DLC1: variants seen among roughly 807,000 people sequenced by gnomAD.
DLC1 encodes rho GTPase-activating protein 7.
A neutral mutation model predicts 140.3 loss-of-function variants in DLC1; 54 were observed. That is an observed-to-expected ratio of 0.38 (90% CI 0.31 to 0.48). The LOEUF is 0.48. DLC1 is among the 20% of genes least tolerant of loss of function. DLC1 has a pLI of 0.96. For missense variants in DLC1, 2,536 were observed against 1,907.0 expected (o/e 1.33, Z -6.14); for synonymous variants, 986 against 728.1 (o/e 1.35, Z -5.70).
intron 1 of DLC1, among the ~76,000 whole-genome samples, chr8:13,582,899 T>C (rs1000552700): frequency 5.6e-5 from 7 of 123,970 alleles, no homozygotes; most frequent in Middle Eastern, 4.9e-3. Context: ...TATATATATA[T>C]ATATATATAT....
At chr8:13,194,080 C>T (rs1308939669) in intron 5 of DLC1, among the ~76,000 whole-genome samples, 4 of 152,192 alleles carry the variant, frequency 2.6e-5, no homozygotes, top group Non-Finnish European at 5.9e-5. Flanking sequence ...AAAGAAACTT[C>T]TCAGTTCACC....
At chr8:13,390,452 T>A (rs901144092) in intron 4 of DLC1, among the ~76,000 whole-genome samples, 2 of 152,228 alleles carry the variant, frequency 1.3e-5, no homozygotes, top group African/African-American at 4.8e-5. Context: ...TACATGTGTC[T>A]TTATACTAGA....
intron 1 of DLC1, among the ~76,000 whole-genome samples, chr8:13,522,697 G>C (rs1403445540): frequency 6.6e-6 from 1 of 151,984 alleles, no homozygotes; most frequent in Non-Finnish European, 1.5e-5. Flanking sequence ...GTATTATGTA[G>C]TATATGGACA....
At chr8:13,173,299 G>C (rs1426141294) in intron 5 of DLC1, among the ~76,000 whole-genome samples, 1 of 151,454 alleles carries the variant, frequency 6.6e-6, no homozygotes, top group Admixed American at 6.6e-5. Flanking sequence ...CATTTCGAGA[G>C]CAGTCTAATT....
At chr8:13,132,855 A>G (rs964213362) in intron 5 of DLC1, 1 of 1,479,528 alleles carries the variant, frequency 6.8e-7, no homozygotes, top group Non-Finnish European at 9.3e-7. Flanking sequence ...CACCGACTTG[A>G]CAAGGCGGGG....
intron 5 of DLC1, among the ~76,000 whole-genome samples, chr8:13,193,797 C>G (rs1172836967): frequency 6.6e-6 from 1 of 152,100 alleles, no homozygotes; most frequent in African/African-American, 2.4e-5. Context: ...TTACCATAGC[C>G]CTCTCTGGGA....
At chr8:13,489,896 G>A (rs1029096136) in intron 2 of DLC1, among the ~76,000 whole-genome samples, 3 of 152,082 alleles carry the variant, frequency 2.0e-5, no homozygotes, top group Admixed American at 6.6e-5. Flanking sequence ...TCCTCATCTC[G>A]AATTCTGGTT....
At chr8:13,484,725 G>A (rs1016997559) in intron 2 of DLC1, among the ~76,000 whole-genome samples, 6 of 151,944 alleles carry the variant, frequency 3.9e-5, no homozygotes, top group South Asian at 2.1e-4. Context: ...GGAACTAATG[G>A]CAGCAACAGT....
chr8:13,495,386 C>G (rs1801454628), intron 2 of DLC1, among the ~76,000 whole-genome samples: 1 of 152,180 alleles, frequency 6.6e-6, no homozygotes, highest in Non-Finnish European at 1.5e-5. Context: ...GAATTTGTCT[C>G]AGAATTGCTT....
At chr8:13,133,241 T>C (rs1822275483) in intron 5 of DLC1, 5 of 1,381,580 alleles carry the variant, frequency 3.6e-6, no homozygotes, top group Non-Finnish European at 2.8e-6. Flanking sequence ...GGTGCGGCCA[T>C]GTCCTGGCTG....
At chr8:13,338,998 G>A (rs866135746) in intron 4 of DLC1, among the ~76,000 whole-genome samples, 21 of 152,142 alleles carry the variant, frequency 1.4e-4, no homozygotes, top group Admixed American at 3.9e-4. Context: ...TTTTATACCA[G>A]AAGCACTTCA....
At chr8:13,547,893 C>G (rs1343375064) in intron 1 of DLC1, among the ~76,000 whole-genome samples, 1 of 116 alleles carries the variant, frequency 8.6e-3, no homozygotes, top group African/African-American at 0.028. Flanking sequence ...TTCTTGGAAT[C>G]TCTCTTTTTT....
intron 1 of DLC1, among the ~76,000 whole-genome samples, chr8:13,504,098 A>G (rs1247093175): frequency 1.3e-5 from 2 of 150,828 alleles, no homozygotes; most frequent in African/African-American, 4.9e-5. Context: ...GGAGGGTAAC[A>G]TTTATCAGAA....
At chr8:13,568,616 A>G (rs888390361) in intron 1 of DLC1, among the ~76,000 whole-genome samples, 2 of 152,200 alleles carry the variant, frequency 1.3e-5, no homozygotes, top group Admixed American at 6.5e-5. Context: ...GGTTGATACA[A>G]ACTCTTGAGA....
At position 13,529,675 on chromosome 8, in the gene DLC1, C is replaced by T. The variant is rs188767222; in HGVS notation, c.-125-29479G>A. Among the ~76,000 whole-genome samples the T allele has an allele frequency of 4.2e-4, 64 of 152,082 alleles. No individual in the cohort carries two copies. In the East Asian group the frequency reaches 0.01, roughly 25 times the overall value. On this transcript the variant is annotated intron_variant, in intron 1 of 1. Transcript: ENST00000631382. ...TTCCTTGCAACTGAGAGAGAGCCTC[C>T]GAATGGAAGAAAGCAAATAGATAAG...
chr8:13,299,456 G>GA (rs1254510087), intron 5 of DLC1, among the ~76,000 whole-genome samples: 1,710 of 71,340 alleles, frequency 0.024, 30 homozygotes, highest in Middle Eastern at 0.062. Flanking sequence ...CCCAAAAAAA[G>GA]AAAAAAAAAA....
chr8:13,380,850 C>G (rs1314615671), intron 4 of DLC1, among the ~76,000 whole-genome samples: 1 of 152,152 alleles, frequency 6.6e-6, no homozygotes, highest in Non-Finnish European at 1.5e-5. Context: ...AATTCTCCTG[C>G]CTTCTTGGAG....
chr8:13,333,228 CT>C (rs1286454873), intron 4 of DLC1, among the ~76,000 whole-genome samples: 1 of 151,946 alleles, frequency 6.6e-6, no homozygotes, highest in African/African-American at 2.4e-5. Flanking sequence ...GTCATCCTTT[CT>C]TTTTTCTTTT....
chr8:13,506,938 T>C (rs546899304), intron 1 of DLC1, among the ~76,000 whole-genome samples: 2 of 152,254 alleles, frequency 1.3e-5, no homozygotes, highest in East Asian at 3.9e-4. Context: ...TCTTACTGTA[T>C]CTTAGCCTAC....
Sources: gnomAD v4.1 joint callset for allele counts (sites outside exome capture counted in the v4.1 genomes callset) on GRCh38, gnomAD v4.1.1 for gene constraint, MANE v1.5 for transcripts, NCBI Gene and HGNC (gene_info 2026-07-23, HGNC 2026-07-21) for gene names.